The following HACE1 variants were observed in gnomAD, a reference collection of about 807,000 sequenced individuals.
HACE1 encodes the protein HECT domain and ankyrin repeat containing E3 ubiquitin protein ligase 1, also known as E3 ubiquitin-protein ligase HACE1.
In HACE1, 73 loss-of-function variants were observed where a neutral mutation model predicts 118.4. The observed-to-expected ratio is 0.62, with a 90% CI of 0.51 to 0.75. The LOEUF is 0.75. Among genes scored for constraint, HACE1 ranks in the 30% least tolerant of loss-of-function variants. HACE1 has a pLI of 0.00. For missense variants in HACE1, 749 were observed against 1,102.2 expected, an observed-to-expected ratio of 0.68 and a Z score of 4.54; for synonymous variants, 368 against 374.8, an observed-to-expected ratio of 0.98 and a Z score of 0.21.
chr6:104,812,560 T>G (rs772567597), intron 6 of HACE1, among the ~76,000 whole-genome samples: 2 of 151,708 alleles, frequency 1.3e-5, no homozygotes, highest in African/African-American at 2.4e-5. Context: ...ATAATAAAAC[T>G]AAACACCCAA....
chr6:104,746,006 G>A (rs527931695), intron 20 of HACE1, among the ~76,000 whole-genome samples: 1 of 152,252 alleles, frequency 6.6e-6, no homozygotes, highest in African/African-American at 2.4e-5. Flanking sequence ...GCAGTTGTAA[G>A]GGCCCATTTG....
intron 5 of HACE1, among the ~76,000 whole-genome samples, chr6:104,841,630 G>GT (rs1775128487): frequency 6.6e-6 from 1 of 152,032 alleles, no homozygotes; most frequent in South Asian, 2.1e-4. Flanking sequence ...TAGGAAAGTT[G>GT]TTTTTCTATA....
intron 19 of HACE1, among the ~76,000 whole-genome samples, chr6:104,760,314 A>T (rs1450649566): frequency 6.6e-6 from 1 of 152,234 alleles, no homozygotes; most frequent in African/African-American, 2.4e-5. Context: ...ATACCGGCAA[A>T]CCAAATCCAG....
intron 7 of HACE1, among the ~76,000 whole-genome samples, chr6:104,810,451 A>G (rs1383997184): frequency 6.6e-6 from 1 of 152,110 alleles, no homozygotes; most frequent in Non-Finnish European, 1.5e-5. Context: ...CTTTCTGGAG[A>G]GCTCTATATC....
At chr6:104,766,793 T>C (rs1022373695) in intron 19 of HACE1, 1 of 152,184 alleles carries the variant, frequency 6.6e-6, no homozygotes, top group East Asian at 1.9e-4. Context: ...TCTAAAGAAA[T>C]GCAGTGTTGT....
chr6:104,744,202 G>GT lies in HACE1; in HGVS notation c.2470dup (p.Thr824AsnfsTer25), dbSNP rs1215323548. 1 of 1,604,080 alleles carries GT rather than the reference G, an allele frequency of 6.2e-7. No individual in the cohort carries two copies. The highest frequency in any genetic ancestry group is 8.5e-7 in the Non-Finnish European group (1 of 1,172,220). On this transcript the variant is annotated frameshift_variant, in exon 22 of 24. Transcript: ENST00000262903. LOFTEE classifies it high-confidence loss of function. ...TAAGAGAAGAACTCTCTCCTCTTGA[G>GT]TAATGTCTTCTACAACTTCCCAGAA... is the stretch of plus-strand genomic sequence containing the variant.
rs566163831 is a variant in HACE1 at position 104,859,739 on chromosome 6, G to C, written c.-97C>G. On this transcript the variant is annotated 5_prime_UTR_variant, in exon 1 of 24. Coordinates refer to ENST00000262903, the MANE Select transcript of HACE1 (RefSeq NM_020771.4). ...TCTCGCCTGGGCCCGTCCAGCAGGCGGAGACGCGGGCTTGCCCCGGCTAGA... is the reference window on the plus strand; with the variant it reads ...TCTCGCCTGGGCCCGTCCAGCAGGCCGAGACGCGGGCTTGCCCCGGCTAGA... The C allele has an allele frequency of 4.7e-4, 539 of 1,141,072 alleles. 2 individuals are homozygous for C. In the African/African-American group the frequency reaches 8.0e-3, roughly 17 times the overall value. The allele number at this position is 1,141,072 out of a possible 1,614,324, so 70.7% of individuals were successfully genotyped here. A position where few individuals can be genotyped will look rare whatever the true frequency, so the allele number is the denominator to read the frequency against.
chr6:104,837,008 T>C (rs1340853052), intron 5 of HACE1, among the ~76,000 whole-genome samples: 1 of 152,196 alleles, frequency 6.6e-6, no homozygotes, highest in East Asian at 1.9e-4. Context: ...CCTAAGTAAG[T>C]GTGGAGATAT....
intron 6 of HACE1, among the ~76,000 whole-genome samples, chr6:104,820,761 T>C (rs1386720342): frequency 6.6e-6 from 1 of 152,186 alleles, no homozygotes; most frequent in Non-Finnish European, 1.5e-5. Context: ...ATTTCAGCCA[T>C]TGTAGAAGAC....
At position 104,796,952 on chromosome 6, in the gene HACE1, T is replaced by C; in HGVS notation, c.691A>G (p.Thr231Ala). Residue 231 changes from threonine to alanine, a missense_variant, in exon 8 of 24, where the codon ACT (threonine) becomes GCT (alanine). Physicochemically the swap from Thr to Ala is moderately conservative, Grantham distance 58 (BLOSUM62 0). This residue lies in a region of HACE1 where 267 missense variants were observed against 312.2 expected (regional missense o/e 0.86). Coordinates refer to ENST00000262903, the MANE Select transcript of HACE1 (RefSeq NM_020771.4). ...AKYLPDKNGVTPLDLCVQGGY... is the reference protein window; with the variant it reads ...AKYLPDKNGVAPLDLCVQGGY... ...ACCTGTACACATAAATCCAGAGGAG[T>C]TACTCCATTTTTATCTGGCAGATAT... The C allele has an allele frequency of 6.3e-7, 1 of 1,586,164 alleles. No homozygotes were observed. Among genetic ancestry groups the C allele is most frequent in the Non-Finnish European group, 8.7e-7 (1 of 1,154,796 alleles).
chr6:104,802,427 C>A (rs879634257), intron 7 of HACE1, among the ~76,000 whole-genome samples: 2 of 152,168 alleles, frequency 1.3e-5, no homozygotes, highest in African/African-American at 2.4e-5. Flanking sequence ...CTTCTCAGCA[C>A]GACATCACAC....
chr6:104,839,454 A>C (rs962596305), intron 5 of HACE1, among the ~76,000 whole-genome samples: 1 of 152,228 alleles, frequency 6.6e-6, no homozygotes, highest in African/African-American at 2.4e-5. Context: ...CTATCTCTGT[A>C]ACATTCTTGA....
chr6:104,746,893 A>G (rs943784639), intron 20 of HACE1, among the ~76,000 whole-genome samples: 20 of 152,180 alleles, frequency 1.3e-4, no homozygotes, highest in African/African-American at 4.8e-4. Context: ...AATAATATTA[A>G]GTATGCTTTC....
At chr6:104,749,151 T>C (rs922491101) in intron 20 of HACE1, among the ~76,000 whole-genome samples, 1 of 152,176 alleles carries the variant, frequency 6.6e-6, no homozygotes, top group Non-Finnish European at 1.5e-5. Flanking sequence ...AGCAAATAAC[T>C]AATGCTCTGT....
chr6:104,829,182 A>G (rs1773617128), intron 6 of HACE1, among the ~76,000 whole-genome samples: 2 of 152,260 alleles, frequency 1.3e-5, no homozygotes, highest in South Asian at 2.1e-4. Context: ...AACAACAAAA[A>G]GGCCATTCTG....
At chr6:104,773,225 G>A (rs1375104458) in intron 17 of HACE1, among the ~76,000 whole-genome samples, 5 of 152,084 alleles carry the variant, frequency 3.3e-5, no homozygotes, top group Admixed American at 2.6e-4. Context: ...GTAAATGCCT[G>A]GGCTAAAAGA....
At chr6:104,811,445 T>C (rs1440661415) in intron 6 of HACE1, 52 bp from the exon 7 acceptor site, 3 of 856,470 alleles carry the variant, frequency 3.5e-6, no homozygotes, top group Admixed American at 1.7e-5. Context: ...AAACAAAAGA[T>C]ACAATTACCA....
intron 7 of HACE1, among the ~76,000 whole-genome samples, chr6:104,806,476 T>G (rs1771011353): frequency 6.6e-6 from 1 of 151,684 alleles, no homozygotes; most frequent in African/African-American, 2.4e-5. Context: ...AACTAATAAT[T>G]TAAAATAAGA....
intron 20 of HACE1, among the ~76,000 whole-genome samples, chr6:104,746,592 G>A (rs562522082): frequency 2.0e-4 from 31 of 152,134 alleles, no homozygotes; most frequent in Non-Finnish European, 4.0e-4. Context: ...AGGCTCCCAC[G>A]GGGCTCTTCA....
Sources: allele counts gnomAD v4.1 joint callset (sites outside exome capture counted in the v4.1 genomes callset), GRCh38; gene constraint gnomAD v4.1.1; regional missense constraint gnomAD v4.1.1; transcripts MANE v1.5; gene names NCBI Gene and HGNC (gene_info 2026-07-23, HGNC 2026-07-21).